The following CSMD1 variants were observed in gnomAD, a reference collection of about 807,000 sequenced individuals.
The protein encoded by CSMD1 is CUB and Sushi multiple domains 1.
Under a neutral mutation model 417.5 loss-of-function variants are expected in CSMD1, and 213 were observed. The observed-to-expected ratio is 0.51, with a 90% CI of 0.46 to 0.57. The LOEUF (loss-of-function observed/expected upper bound fraction) is 0.57. CSMD1 is among the 20% of genes least tolerant of loss of function. The pLI is 0.00. For synonymous variants in CSMD1, 2,862 were observed against 1,736.8 expected, an observed-to-expected ratio of 1.65 and a Z score of -16.11; for missense variants, 6,923 against 4,529.7, an observed-to-expected ratio of 1.53 and a Z score of -15.17.
At chr8:3,046,560 T>C (rs960168443) in intron 50 of CSMD1, among the ~76,000 whole-genome samples, 1 of 152,118 alleles carries the variant, frequency 6.6e-6, no homozygotes, top group Non-Finnish European at 1.5e-5. Flanking sequence ...GAACTATCTC[T>C]ATGTACAGGC....
At chr8:3,919,448 G>C (rs187373537) in intron 5 of CSMD1, among the ~76,000 whole-genome samples, 13 of 152,040 alleles carry the variant, frequency 8.6e-5, no homozygotes, top group African/African-American at 3.1e-4. Flanking sequence ...GGCAGTTTTT[G>C]CTTGAGTTCA....
At position 4,806,060 on chromosome 8, in the gene CSMD1, T is replaced by C. The variant is rs1391968631; in HGVS notation, c.86-168502A>G. Among the ~76,000 whole-genome samples the C allele has an allele frequency of 4.6e-5, 7 of 152,176 alleles. No individual in the cohort carries two copies. The South Asian group carries it at 1.0e-3, about 22-fold the overall frequency. On this transcript the variant is annotated intron_variant, in intron 1 of 69. Coordinates refer to ENST00000635120, the MANE Select transcript of CSMD1 (RefSeq NM_033225.6). ...CAGTGAGATGACGGAAACCCGGATT[T>C]TCGGTGTCATTTACAGACCCACAAT...
chr8:3,965,167 G>A (rs760592188), intron 5 of CSMD1, among the ~76,000 whole-genome samples: 1 of 152,080 alleles, frequency 6.6e-6, no homozygotes, highest in Non-Finnish European at 1.5e-5. Flanking sequence ...CTTTTTAACA[G>A]TAAGAGTTCA....
intron 2 of CSMD1, among the ~76,000 whole-genome samples, chr8:4,508,615 G>T (rs940324623): frequency 1.3e-5 from 2 of 152,082 alleles, no homozygotes; most frequent in African/African-American, 2.4e-5. Context: ...TGAGTCAGGA[G>T]ATTGGAAGAT....
At chr8:3,520,039 T>TATATACACACAC (rs545212684) in intron 10 of CSMD1, among the ~76,000 whole-genome samples, 4 of 147,110 alleles carry the variant, frequency 2.7e-5, no homozygotes, top group African/African-American at 1.0e-4. Flanking sequence ...TATATATATA[T>TATATACACACAC]ACACGTATAG....
intron 5 of CSMD1, among the ~76,000 whole-genome samples, chr8:3,938,082 C>G (rs974541889): frequency 2.0e-5 from 3 of 151,946 alleles, no homozygotes; most frequent in African/African-American, 7.2e-5. Flanking sequence ...TACACAGGAT[C>G]GTGTAGTAGA....
chr8:3,736,815 G>C (rs13266734), intron 6 of CSMD1, among the ~76,000 whole-genome samples: 62 of 152,120 alleles, frequency 4.1e-4, no homozygotes, highest in African/African-American at 1.4e-3. Context: ...AATAGGCCCT[G>C]TTTTGTGAGG....
intron 3 of CSMD1, among the ~76,000 whole-genome samples, chr8:4,301,439 G>A (rs961708787): frequency 6.6e-6 from 1 of 152,144 alleles, no homozygotes; most frequent in South Asian, 2.1e-4. Context: ...TTTATCTCCT[G>A]TAACAACTCT....
At chr8:3,160,943 C>G (rs866110632) in intron 38 of CSMD1, among the ~76,000 whole-genome samples, 1 of 152,158 alleles carries the variant, frequency 6.6e-6, no homozygotes, top group African/African-American at 2.4e-5. Context: ...AAACTGAATT[C>G]CACACAGTGC....
chr8:4,739,675 C>T (rs1037849812), intron 1 of CSMD1, among the ~76,000 whole-genome samples: 2 of 152,178 alleles, frequency 1.3e-5, no homozygotes, highest in African/African-American at 4.8e-5. Context: ...CACTTTGTGT[C>T]TATCACTTTT....
At chr8:3,199,320 T>G (rs186011781) in intron 33 of CSMD1, among the ~76,000 whole-genome samples, 1 of 152,280 alleles carries the variant, frequency 6.6e-6, no homozygotes, top group Admixed American at 6.5e-5. Context: ...TAATAAAATG[T>G]GAAATTGTAT....
rs74865740 is a variant in CSMD1, at chr8:3,491,072, A to G, written c.1448+2551T>C. ...GAAATGTTCCTGAAGGTATAGCAAA[A>G]AAGTATGCCAATGTCTACATACAAA... On this transcript the variant is annotated intron_variant, in intron 11 of 69. Transcript: ENST00000635120. Among the ~76,000 whole-genome samples the G allele has an allele frequency of 2.0e-4, 31 of 152,134 alleles. 1 individual carries two copies. The highest frequency in any genetic ancestry group is 7.5e-4 in the African/African-American group (31 of 41,412).
intron 6 of CSMD1, among the ~76,000 whole-genome samples, chr8:3,732,161 G>T (rs1178586374): frequency 6.6e-6 from 1 of 152,200 alleles, no homozygotes; most frequent in East Asian, 1.9e-4. Flanking sequence ...CTGAGTTCAG[G>T]TCACTCGTGG....
intron 33 of CSMD1, among the ~76,000 whole-genome samples, chr8:3,197,785 A>G (rs956960542): frequency 3.3e-5 from 5 of 152,200 alleles, no homozygotes; most frequent in African/African-American, 7.2e-5. Flanking sequence ...TTAGGCTTCA[A>G]TGGAACTACT....
chr8:4,497,428 C>T (rs1184046796), intron 2 of CSMD1, among the ~76,000 whole-genome samples: 1 of 152,154 alleles, frequency 6.6e-6, no homozygotes, highest in East Asian at 1.9e-4. Flanking sequence ...ATATTAACCG[C>T]TTTTCAATTT....
intron 12 of CSMD1, among the ~76,000 whole-genome samples, chr8:3,448,377 GGGGGA>G (rs199817033): frequency 1.6e-5 from 2 of 126,344 alleles, no homozygotes; most frequent in African/African-American, 3.1e-5. Flanking sequence ...GAGGAAGGGA[GGGGGA>G]GGAGGGAGGA....
intron 4 of CSMD1, 131 bp downstream of exon 4, chr8:4,031,774 G>C (rs540611796): frequency 4.1e-5 from 25 of 607,100 alleles, no homozygotes; most frequent in African/African-American, 3.3e-4. Context: ...TTCAGGAGCA[G>C]AATGAGCTGA....
chr8:4,855,826 T>C (rs1801767740), intron 1 of CSMD1, among the ~76,000 whole-genome samples: 1 of 151,376 alleles, frequency 6.6e-6, no homozygotes, highest in Non-Finnish European at 1.5e-5. Context: ...TGGAACCAAG[T>C]TGGAAAACAC....
intron 3 of CSMD1, among the ~76,000 whole-genome samples, chr8:4,036,192 A>C (rs939962254): frequency 6.6e-6 from 1 of 152,206 alleles, no homozygotes. Context: ...ATGTTTGCAC[A>C]GGGACAAAAT....
Sources: gnomAD v4.1 joint callset for allele counts (sites outside exome capture counted in the v4.1 genomes callset) on GRCh38, gnomAD v4.1.1 for gene constraint, MANE v1.5 for transcripts, NCBI Gene and HGNC (gene_info 2026-07-23, HGNC 2026-07-21) for gene names.